The following STK32B variants were observed in gnomAD, a reference collection of about 807,000 sequenced individuals.
STK32B encodes the protein serine/threonine kinase 32B.
Under a neutral mutation model 52.6 loss-of-function variants are expected in STK32B, and 43 were observed. The observed-to-expected ratio is 0.82, with a 90% confidence interval of 0.64 to 1.05. STK32B has a LOEUF of 1.05. Ranked by LOEUF, STK32B falls within the 50% of genes least tolerant of loss-of-function variation. STK32B has a pLI of 0.00. For synonymous variants in STK32B, 238 were observed against 204.3 expected, an observed-to-expected ratio of 1.17 and a Z score of -1.41; for missense variants, 621 against 534.6, an observed-to-expected ratio of 1.16 and a Z score of -1.59.
intron 4 of STK32B, among the ~76,000 whole-genome samples, chr4:5,362,938 G>A (rs1166268727): frequency 6.6e-6 from 1 of 152,152 alleles, no homozygotes; most frequent in Non-Finnish European, 1.5e-5. Context: ...AAACTTTGTT[G>A]TGTTGTCACT....
chr4:5,032,456 G>A, the STK32B span, among the ~76,000 whole-genome samples: 1 of 129,096 alleles, frequency 7.7e-6, no homozygotes, highest in Non-Finnish European at 1.6e-5. Flanking sequence ...CAGCCTGGAC[G>A]GCAAAGCAAG....
At chr4:5,230,009 T>C (rs1237192069) in intron 3 of STK32B, among the ~76,000 whole-genome samples, 1 of 151,874 alleles carries the variant, frequency 6.6e-6, no homozygotes, top group Non-Finnish European at 1.5e-5. Context: ...TATTATTTTT[T>C]AAGATGGAGT....
chr4:5,119,160 C>T (rs983296474), intron 1 of STK32B, among the ~76,000 whole-genome samples: 16 of 152,346 alleles, frequency 1.1e-4, no homozygotes, highest in Middle Eastern at 3.4e-3. Context: ...GCTGCAGGCT[C>T]TCCTGATGGC....
At chr4:5,489,369 T>G (rs1379934667) in intron 11 of STK32B, among the ~76,000 whole-genome samples, 1 of 152,196 alleles carries the variant, frequency 6.6e-6, no homozygotes, top group Non-Finnish European at 1.5e-5. Flanking sequence ...AATGCATGGT[T>G]TCCTGTCCAT....
At chr4:5,066,075 C>T (rs1248684420) in intron 1 of STK32B, among the ~76,000 whole-genome samples, 2 of 152,126 alleles carry the variant, frequency 1.3e-5, no homozygotes, top group African/African-American at 4.8e-5. Flanking sequence ...ATTTCCAAAC[C>T]TCTGGTTTCC....
intron 3 of STK32B, among the ~76,000 whole-genome samples, chr4:5,217,145 C>T (rs532883654): frequency 6.8e-4 from 103 of 152,294 alleles, no homozygotes; most frequent in African/African-American, 2.4e-3. Flanking sequence ...TTGTGGGTAA[C>T]ACCATGGCTC....
chr4:5,191,673 C>T (rs1721213924), intron 3 of STK32B, among the ~76,000 whole-genome samples: 1 of 152,160 alleles, frequency 6.6e-6, no homozygotes, highest in Non-Finnish European at 1.5e-5. Context: ...CTCAGCGAGT[C>T]TGAAAGTTGA....
At chr4:5,242,967 C>T (rs1179750058) in intron 3 of STK32B, among the ~76,000 whole-genome samples, 6 of 152,122 alleles carry the variant, frequency 3.9e-5, no homozygotes, top group East Asian at 3.9e-4. Flanking sequence ...TGCATTCTGT[C>T]TTGGTTACTG....
At chr4:5,410,394 G>T (rs1035456660) in intron 5 of STK32B, among the ~76,000 whole-genome samples, 2 of 152,208 alleles carry the variant, frequency 1.3e-5, no homozygotes, top group Non-Finnish European at 2.9e-5. Context: ...AGTGAAACCA[G>T]CCAGAGAATA....
chr4:5,496,937 C>T (rs1266966020), intron 11 of STK32B, among the ~76,000 whole-genome samples: 1 of 151,996 alleles, frequency 6.6e-6, no homozygotes, highest in Non-Finnish European at 1.5e-5. Flanking sequence ...GAGGGTTTAG[C>T]TTAGAGAACG....
upstream of STK32B, among the ~76,000 whole-genome samples, chr4:5,048,005 GTTC>G (rs1482810795): frequency 3.3e-5 from 5 of 152,188 alleles, no homozygotes; most frequent in Non-Finnish European, 7.3e-5. Flanking sequence ...AGAGACCAGA[GTTC>G]TCCAGCCTCC....
intron 4 of STK32B, among the ~76,000 whole-genome samples, chr4:5,337,831 C>T (rs981183632): frequency 6.6e-6 from 1 of 152,114 alleles, no homozygotes; most frequent in Admixed American, 6.5e-5. Context: ...AATACCTAAT[C>T]CTATCACCTA....
At chr4:5,342,094 T>C (rs1322206189) in intron 4 of STK32B, among the ~76,000 whole-genome samples, 2 of 152,162 alleles carry the variant, frequency 1.3e-5, no homozygotes, top group African/African-American at 4.8e-5. Context: ...TTCTACACTG[T>C]TGGTGGGAGT....
chr4:5,098,521 A>G (rs1713522722), intron 1 of STK32B, among the ~76,000 whole-genome samples: 1 of 152,212 alleles, frequency 6.6e-6, no homozygotes, highest in African/African-American at 2.4e-5. Flanking sequence ...AAATCTCATG[A>G]CTGCATGCTT....
chr4:5,364,389 C>G (rs1031110502), intron 4 of STK32B, among the ~76,000 whole-genome samples: 1 of 152,156 alleles, frequency 6.6e-6, no homozygotes, highest in African/African-American at 2.4e-5. Context: ...TTTGCAGGTC[C>G]CTGCTAGCTT....
intron 3 of STK32B, among the ~76,000 whole-genome samples, chr4:5,253,283 C>G (rs547361561): frequency 6.6e-6 from 1 of 152,182 alleles, no homozygotes; most frequent in East Asian, 1.9e-4. Context: ...TCCAACTAGA[C>G]AATATATTTG....
At chr4:5,171,948 T>G (rs1159296378) in intron 3 of STK32B, among the ~76,000 whole-genome samples, 1 of 151,896 alleles carries the variant, frequency 6.6e-6, no homozygotes, top group Non-Finnish European at 1.5e-5. Context: ...GAGCATGGAA[T>G]GTTCTTCCAT....
At chr4:5,037,991 C>T in the STK32B span, among the ~76,000 whole-genome samples, 1 of 152,114 alleles carries the variant, frequency 6.6e-6, no homozygotes, top group Non-Finnish European at 1.5e-5. Context: ...TAAGACCTCC[C>T]CACCCGTCCA....
At chr4:5,418,082 G>A (rs1012908837) in intron 6 of STK32B, among the ~76,000 whole-genome samples, 1 of 152,232 alleles carries the variant, frequency 6.6e-6, no homozygotes, top group Non-Finnish European at 1.5e-5. Flanking sequence ...AGCCAACCAC[G>A]TGGAAGGGAA....
Sources: allele counts gnomAD v4.1 joint callset (sites outside exome capture counted in the v4.1 genomes callset), GRCh38; gene constraint gnomAD v4.1.1; transcripts MANE v1.5; gene names NCBI Gene and HGNC (gene_info 2026-07-23, HGNC 2026-07-21).